CEP83: variants seen among roughly 807,000 people sequenced by gnomAD.
The protein encoded by CEP83 is centrosomal protein of 83 kDa.
CEP83 carries 70 observed loss-of-function variants against 101.9 expected under a neutral mutation model. The ratio of observed to expected loss-of-function variants is 0.69; its 90% CI spans 0.57 to 0.84. The LOEUF (loss-of-function observed/expected upper bound fraction) is 0.84. Ranked by LOEUF, CEP83 falls within the 40% of genes least tolerant of loss-of-function variation. The pLI is 0.00. For synonymous variants in CEP83, 264 were observed against 267.9 expected (o/e 0.99, Z 0.14); for missense variants, 715 against 787.2 (o/e 0.91, Z 1.10).
At chr12:94,440,033 C>G (rs1025747800) in intron 1 of CEP83, among the ~76,000 whole-genome samples, 1 of 152,078 alleles carries the variant, frequency 6.6e-6, no homozygotes, top group African/African-American at 2.4e-5. Context: ...AAGGGACATA[C>G]CTTAAGATAA....
chr12:94,378,966 C>T lies in CEP83; in HGVS notation c.626G>A (p.Arg209Gln), dbSNP rs2271979. The part of the protein sequence containing the change: ...LNVDLTKDSK[R>Q]VEQLAREKVY... The stretch of plus-strand genomic sequence containing the variant: ...TTTTTCTCGAGCAAGTTGTTCCACT[C>T]GTTTGCTGTCTTTTGTGAGATCAAC... Residue 209 changes from arginine (R) to glutamine (Q), a missense_variant, in exon 7 of 17, where the codon CGA (arginine) becomes CAA (glutamine). By Grantham distance (43) the Arg-to-Gln change is conservative. Coordinates refer to ENST00000397809, the MANE Select transcript of CEP83 (RefSeq NM_016122.3). 136,672 of 1,613,702 alleles carry T rather than the reference C, an allele frequency of 0.085. 8,338 individuals are homozygous for T. The highest frequency in any genetic ancestry group is 0.34 in the East Asian group (15,294 of 44,868).
At chr12:94,331,852 A>G in intron 13 of CEP83, 23 bp from the exon 14 acceptor site, 1 of 1,605,770 alleles carries the variant, frequency 6.2e-7, no homozygotes, top group Non-Finnish European at 8.5e-7. Flanking sequence ...TGTATGTAAA[A>G]CATGGAAGTT....
intron 11 of CEP83, among the ~76,000 whole-genome samples, chr12:94,341,328 AAATGG>A (rs950325851): frequency 2.9e-4 from 44 of 152,318 alleles, no homozygotes; most frequent in African/African-American, 1.0e-3. Flanking sequence ...ATTTGTAAAT[AAATGG>A]ATATTTCTGC....
chr12:94,349,297 A>G (rs2060095507), intron 11 of CEP83, among the ~76,000 whole-genome samples: 1 of 151,812 alleles, frequency 6.6e-6, no homozygotes, highest in African/African-American at 2.4e-5. Flanking sequence ...AAAAAAAAAA[A>G]AAAAAGAAAA....
chr12:94,291,915 C>T, the CEP83 span, among the ~76,000 whole-genome samples: 31 of 152,176 alleles, frequency 2.0e-4, no homozygotes, highest in Admixed American at 1.3e-3. Flanking sequence ...GACCCATCCC[C>T]GCTTTTGGAG....
At chr12:94,346,229 T>C (rs1258706417) in intron 11 of CEP83, among the ~76,000 whole-genome samples, 3 of 152,082 alleles carry the variant, frequency 2.0e-5, no homozygotes, top group Admixed American at 2.0e-4. Flanking sequence ...TTTTTTGTAT[T>C]TTTAGTAGAG....
the CEP83 span, chr12:94,280,021 G>C: frequency 2.7e-6 from 1 of 370,918 alleles, no homozygotes; most frequent in Non-Finnish European, 5.2e-6. Context: ...ATTGGCATTT[G>C]ATTTGTTTGT....
intron 2 of CEP83, among the ~76,000 whole-genome samples, chr12:94,425,465 T>A (rs1399082425): frequency 2.6e-5 from 4 of 152,202 alleles, no homozygotes; most frequent in Non-Finnish European, 5.9e-5. Context: ...CTCAGGCCCC[T>A]GCTTTAGGAA....
chr12:94,394,231 G>A (rs554059330), intron 6 of CEP83, among the ~76,000 whole-genome samples: 14 of 152,062 alleles, frequency 9.2e-5, no homozygotes, highest in Non-Finnish European at 1.6e-4. Context: ...TATACTACAA[G>A]GCTACAGCAA....
intron 4 of CEP83, among the ~76,000 whole-genome samples, chr12:94,403,761 T>C (rs2063382985): frequency 6.6e-6 from 1 of 151,976 alleles, no homozygotes; most frequent in Admixed American, 6.6e-5. Context: ...TTTATGTAAG[T>C]CCCATGTGGG....
At chr12:94,418,189 C>T (rs2064435071) in intron 2 of CEP83, among the ~76,000 whole-genome samples, 1 of 152,052 alleles carries the variant, frequency 6.6e-6, no homozygotes, top group South Asian at 2.1e-4. Context: ...TGGTGAAACC[C>T]TGTCTCTACT....
chr12:94,366,086 AGAG>A (rs1331777995), intron 11 of CEP83, among the ~76,000 whole-genome samples: 6 of 152,248 alleles, frequency 3.9e-5, no homozygotes, highest in Non-Finnish European at 8.8e-5. Flanking sequence ...GGAACAGGGT[AGAG>A]GAGATGTGGG....
chr12:94,448,422 C>T (rs1295938562), intron 1 of CEP83, among the ~76,000 whole-genome samples: 1 of 152,122 alleles, frequency 6.6e-6, no homozygotes. Flanking sequence ...TCTTGACTAA[C>T]CTCATCAATA....
At chr12:94,384,462 AGTT>A (rs2062021847) in intron 6 of CEP83, among the ~76,000 whole-genome samples, 1 of 152,126 alleles carries the variant, frequency 6.6e-6, no homozygotes, top group Admixed American at 6.5e-5. Context: ...AAACTTGGAA[AGTT>A]TTTAGTCATT....
At position 94,448,961 on chromosome 12, in the gene CEP83, T is replaced by C. The variant is rs189738299; in HGVS notation, c.-155+10596A>G. The stretch of plus-strand genomic sequence containing the variant: ...GTGTGGAAATCAGTGAAATAGAAAA[T>C]ATAGATATGAAAAATAATCAGTGAA... On this transcript the variant is annotated intron_variant, in intron 1 of 16. Coordinates refer to ENST00000397809, the MANE Select transcript of CEP83 (RefSeq NM_016122.3). 3.0e-4 allele frequency among the ~76,000 whole-genome samples: 41 copies of C among 137,690 alleles called. No individual in the cohort carries two copies. The East Asian group carries it at 8.8e-3, about 30-fold the overall frequency. 90.3% of individuals were successfully genotyped at this position (137,690 alleles called of 152,430 possible). A position where few individuals can be genotyped will look rare whatever the true frequency, so the allele number is the denominator to read the frequency against.
At chr12:94,314,218 C>CT (rs1970312703) in intron 14 of CEP83, among the ~76,000 whole-genome samples, 1 of 151,988 alleles carries the variant, frequency 6.6e-6, no homozygotes, top group South Asian at 2.1e-4. Flanking sequence ...TTTTCTAACT[C>CT]TTTTTTAACT....
intron 6 of CEP83, among the ~76,000 whole-genome samples, chr12:94,389,912 G>C (rs189745777): frequency 9.2e-5 from 14 of 152,344 alleles, no homozygotes; most frequent in Admixed American, 7.8e-4. Flanking sequence ...CCCTGGCAGG[G>C]GGAGGGGTGT....
the CEP83 span, chr12:94,277,691 G>A: frequency 6.0e-6 from 2 of 332,506 alleles, no homozygotes; most frequent in Non-Finnish European, 1.2e-5. Flanking sequence ...GCATGGAGTG[G>A]GCGTCCTAGC....
intron 11 of CEP83, among the ~76,000 whole-genome samples, chr12:94,360,593 T>C (rs1460297449): frequency 6.6e-6 from 1 of 151,892 alleles, no homozygotes; most frequent in African/African-American, 2.4e-5. Flanking sequence ...AAATACTGAT[T>C]AAAGAAATTG....
Sources: gnomAD v4.1 joint callset for allele counts (sites outside exome capture counted in the v4.1 genomes callset) on GRCh38, gnomAD v4.1.1 for gene constraint, MANE v1.5 for transcripts, NCBI Gene and HGNC (gene_info 2026-07-23, HGNC 2026-07-21) for gene names.